TMEM74: variants seen among roughly 807,000 people sequenced by gnomAD.
TMEM74 encodes transmembrane protein 74.
TMEM74 carries 13 observed loss-of-function variants against 18.1 expected under a neutral mutation model. That is an observed-to-expected ratio of 0.72 (90% CI 0.47 to 1.14). The LOEUF (loss-of-function observed/expected upper bound fraction) is 1.14, where lower values mean the gene tolerates loss of function less well. TMEM74 is among the 50% of genes most tolerant of loss of function. The pLI is 0.00. For missense variants in TMEM74, 372 were observed against 375.9 expected (o/e 0.99, Z 0.09); for synonymous variants, 159 against 146.6 (o/e 1.08, Z -0.61).
chr8:108,762,526 C>A (rs953553805), intron 1 of TMEM74, among the ~76,000 whole-genome samples: 10 of 152,094 alleles, frequency 6.6e-5, no homozygotes, highest in African/African-American at 2.4e-4. Context: ...TGGGTAGAAC[C>A]TACCTTGAAT....
At chr8:108,714,773 C>A (rs1158803504) in intron 1 of TMEM74, among the ~76,000 whole-genome samples, 4 of 152,160 alleles carry the variant, frequency 2.6e-5, no homozygotes, top group African/African-American at 7.2e-5. Context: ...ATGGACTCAA[C>A]CCAGGTGCCC....
intron 1 of TMEM74, among the ~76,000 whole-genome samples, chr8:108,659,144 AC>A (rs1438360325): frequency 2.6e-5 from 4 of 151,548 alleles, no homozygotes; most frequent in African/African-American, 9.7e-5. Context: ...TGGAGAAAAG[AC>A]CATTTCTCCT....
In TMEM74 at chr8:108,782,890, C is replaced by T. The variant is rs1407389416; in HGVS notation, c.*1291G>A. 6.6e-6 allele frequency among the ~76,000 whole-genome samples: 1 copy of T among 152,184 alleles called. No homozygotes were observed. The highest frequency in any genetic ancestry group is 1.5e-5 in the Non-Finnish European group (1 of 68,030). On this transcript the variant is annotated 3_prime_UTR_variant, in exon 2 of 2. Transcript: ENST00000297459. ...ATTTCCCATCCCTTTTCTGAACCGT[C>T]ACCATAATGAGGCGGTCTGTCACTG...
chr8:108,630,253 A>AAG (rs1812537334), intron 2 of TMEM74, among the ~76,000 whole-genome samples: 2 of 151,284 alleles, frequency 1.3e-5, no homozygotes, highest in Admixed American at 6.6e-5. Context: ...ATTACATAAA[A>AAG]GGATCAATGC....
chr8:108,680,951 A>G (rs1393944783), intron 1 of TMEM74, among the ~76,000 whole-genome samples: 4 of 152,156 alleles, frequency 2.6e-5, no homozygotes, highest in Non-Finnish European at 4.4e-5. Flanking sequence ...TAGGAATCCA[A>G]CTTACAAGGG....
intron 1 of TMEM74, among the ~76,000 whole-genome samples, chr8:108,694,990 C>A (rs1813266246): frequency 1.3e-5 from 2 of 152,140 alleles, no homozygotes; most frequent in South Asian, 4.1e-4. Context: ...GAGTTTTCTG[C>A]AGGAATAGCT....
intron 1 of TMEM74, among the ~76,000 whole-genome samples, chr8:108,656,583 C>T (rs79504644): frequency 0.042 from 6,433 of 152,186 alleles, 281 homozygotes; most frequent in African/African-American, 0.11. Context: ...TAGAAATCTT[C>T]CTATGATTTC....
intron 1 of TMEM74, among the ~76,000 whole-genome samples, chr8:108,757,231 C>T (rs1028871957): frequency 1.1e-4 from 16 of 151,816 alleles, no homozygotes; most frequent in African/African-American, 3.9e-4. Context: ...GCAATAAGAA[C>T]AGTAATGCTA....
rs1207474284 is a variant in TMEM74, at chr8:108,779,580, A to G, written c.*4601T>C. Among the ~76,000 whole-genome samples, 2 of 152,240 alleles carry G rather than the reference A, an allele frequency of 1.3e-5. No homozygotes were observed. Among genetic ancestry groups the G allele is most frequent in the African/African-American group, 4.8e-5 (2 of 41,472 alleles). ...GAGGCTGAACAACCAAAACAGGTTT[A>G]TAATAATTATGGCATCTCATTCTGA... On this transcript the variant is annotated 3_prime_UTR_variant, in exon 2 of 2. Transcript: ENST00000297459.
chr8:108,680,814 A>G (rs1813106125), intron 1 of TMEM74, among the ~76,000 whole-genome samples: 1 of 152,230 alleles, frequency 6.6e-6, no homozygotes. Context: ...CAACTTCAGC[A>G]AAGCCTCAGG....
At chr8:108,729,931 G>T (rs1813677423) in intron 1 of TMEM74, among the ~76,000 whole-genome samples, 1 of 152,166 alleles carries the variant, frequency 6.6e-6, no homozygotes, top group Admixed American at 6.5e-5. Context: ...AGTTAGAACT[G>T]CTTGGACTTA....
At chr8:108,787,338 T>C (rs1481607419) in intron 1 of TMEM74, 138 bp downstream of exon 1, 1 of 152,126 alleles carries the variant, frequency 6.6e-6, no homozygotes, top group Non-Finnish European at 1.5e-5. Context: ...CACTGAGGCA[T>C]TCGAGGTACG....
chr8:108,670,518 TG>T (rs1280719174), intron 1 of TMEM74, among the ~76,000 whole-genome samples: 1 of 152,218 alleles, frequency 6.6e-6, no homozygotes, highest in Non-Finnish European at 1.5e-5. Flanking sequence ...CACCATATGA[TG>T]TCACTTCCCC....
intron 1 of TMEM74, among the ~76,000 whole-genome samples, chr8:108,716,255 A>G (rs1259108587): frequency 1.3e-5 from 2 of 152,110 alleles, no homozygotes; most frequent in Non-Finnish European, 2.9e-5. Flanking sequence ...AATATGCAAT[A>G]TGTTCCATGA....
exon 4 of TMEM74, chr8:108,607,655 A>C (rs574084650): frequency 1.3e-5 from 2 of 152,290 alleles, no homozygotes; most frequent in East Asian, 3.9e-4. Context: ...ATGGCCTTGA[A>C]TTTAGTTTAA....
rs536692759 is a variant in TMEM74, at chr8:108,719,007, T to C, written n.120-63570A>G. Among the ~76,000 whole-genome samples the C allele has an allele frequency of 5.3e-5, 8 of 151,618 alleles. No individual in the cohort carries two copies. In the East Asian group the frequency reaches 9.7e-4, roughly 18 times the overall value. ...ACGTATATATACGTATATATACACA[T>C]ATATATATATTTGTATCCTTGTAGT... On this transcript the variant is annotated intron_variant and non_coding_transcript_variant, in intron 1 of 3. Transcript: ENST00000518838.
At chr8:108,745,819 C>T (rs1813843376) in intron 1 of TMEM74, among the ~76,000 whole-genome samples, 1 of 152,092 alleles carries the variant, frequency 6.6e-6, no homozygotes, top group African/African-American at 2.4e-5. Flanking sequence ...AAAGATCGAC[C>T]CCTGACCTAA....
intron 2 of TMEM74, among the ~76,000 whole-genome samples, chr8:108,617,665 C>A (rs1163676837): frequency 6.6e-6 from 1 of 151,826 alleles, no homozygotes; most frequent in Non-Finnish European, 1.5e-5. Context: ...CAGGAAGAAC[C>A]CAGACCCCAT....
chr8:108,736,132 T>TA (rs1393615883), intron 1 of TMEM74, among the ~76,000 whole-genome samples: 10 of 152,062 alleles, frequency 6.6e-5, no homozygotes, highest in Non-Finnish European at 1.3e-4. Flanking sequence ...TGTTTGTCTC[T>TA]AAAAAAACTG....
Sources: allele counts gnomAD v4.1 joint callset (sites outside exome capture counted in the v4.1 genomes callset), GRCh38; gene constraint gnomAD v4.1.1; transcripts MANE v1.5; gene names NCBI Gene and HGNC (gene_info 2026-07-23, HGNC 2026-07-21).